Variants in ASXL1 observed in about 807,000 individuals in gnomAD.
ASXL1 encodes the protein ASXL transcriptional regulator 1.
A neutral mutation model predicts 89.1 loss-of-function variants in ASXL1; 65 were observed. That is an observed-to-expected ratio of 0.73 (90% CI 0.60 to 0.90). The LOEUF is 0.90. Ranked by LOEUF, ASXL1 falls within the 40% of genes least tolerant of loss-of-function variation. The pLI, the probability that ASXL1 is intolerant of heterozygous loss-of-function variation, is 0.00. For synonymous variants in ASXL1, 739 were observed against 746.9 expected, an observed-to-expected ratio of 0.99 and a Z score of 0.17; for missense variants, 1,786 against 1,942.9, an observed-to-expected ratio of 0.92 and a Z score of 1.52.
rs1216273326 is a variant in ASXL1, at chr20:32,431,600, G to A, written c.900G>A (p.Leu300=). The A allele has an allele frequency of 6.2e-7, 1 of 1,614,108 alleles. No individual in the cohort carries two copies. Residue 300 remains leucine, a synonymous_variant, in exon 10 of 13, where the codon CTG becomes CTA. Coordinates refer to ENST00000375687, the MANE Select transcript of ASXL1 (RefSeq NM_015338.6). ...EVDRQVGTDG[L]LRLSSSALNN... ...CCTTCTAGGTGGGGACGGATGGCCT[G>A]TTGCGTCTCAGCAGCAGTGCACTAA...
At chr20:32,406,577 A>C (rs568230600) in intron 4 of ASXL1, among the ~76,000 whole-genome samples, 1 of 152,130 alleles carries the variant, frequency 6.6e-6, no homozygotes, top group Non-Finnish European at 1.5e-5. Context: ...ATATTTACCT[A>C]ATTATTTAAT....
chr20:32,378,227 C>T (rs2048422853), intron 4 of ASXL1, among the ~76,000 whole-genome samples: 1 of 149,868 alleles, frequency 6.7e-6, no homozygotes, highest in Non-Finnish European at 1.5e-5. Flanking sequence ...CCATGTTGCC[C>T]AGCCTGGCTC....
chr20:32,418,771 G>A (rs1333833012), intron 4 of ASXL1, among the ~76,000 whole-genome samples: 1 of 135,434 alleles, frequency 7.4e-6, no homozygotes, highest in African/African-American at 2.8e-5. Context: ...TATTGGAACT[G>A]CATTGAATCG....
intron 4 of ASXL1, among the ~76,000 whole-genome samples, chr20:32,383,273 C>T (rs2048519748): frequency 6.6e-6 from 1 of 151,420 alleles, no homozygotes; most frequent in Non-Finnish European, 1.5e-5. Context: ...TTTTTGTACT[C>T]TCCATTATAT....
intron 4 of ASXL1, among the ~76,000 whole-genome samples, chr20:32,379,405 G>A (rs1347949057): frequency 6.7e-6 from 1 of 149,974 alleles, no homozygotes; most frequent in Non-Finnish European, 1.5e-5. Flanking sequence ...ATGGAGTTTT[G>A]CCATGTTGGT....
intron 1 of ASXL1, among the ~76,000 whole-genome samples, chr20:32,364,988 C>T (rs996219089): frequency 5.3e-5 from 8 of 151,930 alleles, no homozygotes; most frequent in African/African-American, 7.3e-5. Context: ...GACAGATGAG[C>T]GAGAAAGATG....
At chr20:32,406,890 C>T (rs934264547) in intron 4 of ASXL1, among the ~76,000 whole-genome samples, 2 of 152,164 alleles carry the variant, frequency 1.3e-5, no homozygotes, top group Non-Finnish European at 2.9e-5. Context: ...GGCTCTGACT[C>T]TCTACTCTTG....
rs1001366046 is a variant in ASXL1 at position 32,394,718 on chromosome 20, A to ATT, written c.252+25607_252+25608dup. 9.6e-3 allele frequency among the ~76,000 whole-genome samples: 1,414 copies of ATT among 146,970 alleles called. 27 individuals carry two copies. The highest frequency in any genetic ancestry group is 0.033 in the African/African-American group (1,329 of 40,232). ...TTAAGTAGTCAATTTTTTTAAAACA[A>ATT]TTTTTTTTTTTTTGAGACGGAGTCT... On this transcript the variant is annotated intron_variant, in intron 4 of 12. Transcript: ENST00000375687.
At chr20:32,383,329 C>T (rs1021309279) in intron 4 of ASXL1, among the ~76,000 whole-genome samples, 3 of 150,446 alleles carry the variant, frequency 2.0e-5, no homozygotes, top group East Asian at 1.9e-4. Context: ...TCTTTTGAGA[C>T]GGAGTCTGTC....
rs1943373865 is a variant in ASXL1 at position 32,437,815 on chromosome 20, T to G, written c.*477T>G. ...GCCAGCACAGGGTTAAAGTAACTCC[T>G]GGCATTGCCCACCAGGGGGCTGGTG... On this transcript the variant is annotated 3_prime_UTR_variant, in exon 13 of 13. Transcript: ENST00000375687. 4 of 252,014 alleles carry G rather than the reference T, an allele frequency of 1.6e-5. No individual in the cohort carries two copies. Among genetic ancestry groups the G allele is most frequent in the Non-Finnish European group, 3.1e-5 (4 of 129,284 alleles). The allele number at this position is 252,014 out of a possible 1,614,324, so 15.6% of individuals were successfully genotyped here.
At chr20:32,426,135 T>C (rs1482704925) in intron 4 of ASXL1, among the ~76,000 whole-genome samples, 1 of 152,260 alleles carries the variant, frequency 6.6e-6, no homozygotes, top group Non-Finnish European at 1.5e-5. Context: ...TTTAATTGAT[T>C]TGTTTTCTCC....
intron 12 of ASXL1, chr20:32,434,194 TCA>T: frequency 2.9e-6 from 2 of 694,490 alleles, no homozygotes; most frequent in East Asian, 5.5e-5. Context: ...CTATAGTGAC[TCA>T]CACAGTCCCA....
chr20:32,433,189 C>G (rs146599654), intron 11 of ASXL1, 95 bp from the exon 12 acceptor site: 1 of 1,574,818 alleles, frequency 6.3e-7, no homozygotes, highest in African/African-American at 1.3e-5. Context: ...TTATTTTGTT[C>G]TGAGATATCT....
chr20:32,380,568 A>C (rs1378313569), intron 4 of ASXL1, among the ~76,000 whole-genome samples: 1 of 152,144 alleles, frequency 6.6e-6, no homozygotes, highest in Non-Finnish European at 1.5e-5. Context: ...CCTGGGCAAC[A>C]TAGCGAAACT....
In ASXL1 at chr20:32,429,081, C is replaced by T. The variant is rs908574464; in HGVS notation, c.472-257C>T. On this transcript the variant is annotated intron_variant, in intron 6 of 12. Coordinates refer to ENST00000375687, the MANE Select transcript of ASXL1 (RefSeq NM_015338.6). This position sits in a 1 kb window ranked among gnomAD's most constrained non-coding sequence, Gnocchi z 4.9. ...TGAATGATAACCCTGCACTTACTAG[C>T]CTTGAGACTTGGGGAAAATTCCTTA... 1 of 491,512 alleles carries T rather than the reference C, an allele frequency of 2.0e-6. No individual in the cohort carries two copies. The highest frequency in any genetic ancestry group is 1.9e-5 in the African/African-American group (1 of 51,290). 30.4% of individuals were successfully genotyped at this position (491,512 alleles called of 1,614,324 possible).
chr20:32,415,907 A>G (rs938098424), intron 4 of ASXL1, among the ~76,000 whole-genome samples: 1 of 152,208 alleles, frequency 6.6e-6, no homozygotes, highest in African/African-American at 2.4e-5. Flanking sequence ...CCATTAAACA[A>G]AAGAAAAGAA....
chr20:32,426,572 T>TTTTTTTG (rs2011309083), intron 4 of ASXL1, among the ~76,000 whole-genome samples: 1 of 128,486 alleles, frequency 7.8e-6, no homozygotes, highest in Non-Finnish European at 1.6e-5. Flanking sequence ...TTTTTTTTTT[T>TTTTTTTG]TTTTTTGAGA....
chr20:32,389,024 CA>C (rs1308236192), intron 4 of ASXL1, among the ~76,000 whole-genome samples: 1 of 152,042 alleles, frequency 6.6e-6, no homozygotes, highest in Non-Finnish European at 1.5e-5. Context: ...TATTTTCCCC[CA>C]CCCCTCTAGA....
At chr20:32,377,447 A>G (rs1345886671) in intron 4 of ASXL1, among the ~76,000 whole-genome samples, 1 of 151,830 alleles carries the variant, frequency 6.6e-6, no homozygotes, top group Non-Finnish European at 1.5e-5. Context: ...TTCTTTGATA[A>G]AAGTTTTTCT....
Sources: allele counts gnomAD v4.1 joint callset (sites outside exome capture counted in the v4.1 genomes callset), GRCh38; gene constraint gnomAD v4.1.1; non-coding constraint Gnocchi (gnomAD v3.1); transcripts MANE v1.5; gene names NCBI Gene and HGNC (gene_info 2026-07-23, HGNC 2026-07-21).